The following CNTN4 variants were observed in gnomAD, a reference collection of about 807,000 sequenced individuals.
The protein encoded by CNTN4 is contactin-4.
Under a neutral mutation model 122.5 loss-of-function variants are expected in CNTN4, and 77 were observed. The observed-to-expected ratio is 0.63, with a 90% CI of 0.52 to 0.76. CNTN4 has a LOEUF of 0.76. Among genes scored for constraint, CNTN4 ranks in the 30% least tolerant of loss-of-function variants. CNTN4 has a pLI of 0.00. For missense variants in CNTN4, 1,256 were observed against 1,259.1 expected (o/e 1.00, Z 0.04); for synonymous variants, 512 against 447.0 (o/e 1.15, Z -1.83).
chr3:2,643,320 CCCA>C (rs538236182), intron 4 of CNTN4, among the ~76,000 whole-genome samples: 9 of 152,138 alleles, frequency 5.9e-5, no homozygotes, highest in Admixed American at 5.9e-4. Flanking sequence ...ACTACAGGTC[CCCA>C]CCACCACACC....
At chr3:2,532,100 A>G (rs2077617514) in intron 3 of CNTN4, among the ~76,000 whole-genome samples, 1 of 152,186 alleles carries the variant, frequency 6.6e-6, no homozygotes, top group Non-Finnish European at 1.5e-5. Context: ...CTCAACCTGT[A>G]TTCTTGTGGC....
In CNTN4 at chr3:2,257,839, C is replaced by T. The variant is rs184621504; in HGVS notation, c.-144-81339C>T. Among the ~76,000 whole-genome samples the T allele has an allele frequency of 5.3e-5, 8 of 151,986 alleles. No homozygotes were observed. In the East Asian group the frequency reaches 5.8e-4, roughly 11 times the overall value. On this transcript the variant is annotated intron_variant, in intron 2 of 24. Transcript: ENST00000418658. ...AGCACCTTGGGAGGCCGAGGTGGGC[C>T]GATCACGAGGTCAGGAGTTGGATAT... is the stretch of plus-strand genomic sequence containing the variant.
At chr3:2,539,242 G>C (rs1183085323) in intron 3 of CNTN4, among the ~76,000 whole-genome samples, 1 of 152,000 alleles carries the variant, frequency 6.6e-6, no homozygotes, top group African/African-American at 2.4e-5. Flanking sequence ...CAGTAATGTA[G>C]GGATAAGATT....
chr3:2,287,254 C>A (rs2041934082), intron 2 of CNTN4, among the ~76,000 whole-genome samples: 1 of 152,068 alleles, frequency 6.6e-6, no homozygotes, highest in Non-Finnish European at 1.5e-5. Flanking sequence ...GAAAAATATG[C>A]TAGTTTTTTT....
intron 2 of CNTN4, among the ~76,000 whole-genome samples, chr3:2,275,250 T>C (rs982142045): frequency 2.0e-5 from 3 of 152,242 alleles, no homozygotes; most frequent in Admixed American, 6.5e-5. Context: ...ACTCTTTTCA[T>C]GTGGACTTTT....
chr3:2,139,116 C>T (rs1372406511), intron 2 of CNTN4, among the ~76,000 whole-genome samples: 1 of 152,052 alleles, frequency 6.6e-6, no homozygotes, highest in African/African-American at 2.4e-5. Context: ...TCAGGAGAGC[C>T]AGTGTTTATA....
At chr3:2,909,803 T>C (rs2094279581) in intron 12 of CNTN4, among the ~76,000 whole-genome samples, 1 of 152,188 alleles carries the variant, frequency 6.6e-6, no homozygotes, top group Admixed American at 6.5e-5. Flanking sequence ...GAATTTCTGA[T>C]ATAGTAGCTC....
chr3:2,524,341 A>C (rs1013085728), intron 3 of CNTN4, among the ~76,000 whole-genome samples: 3 of 152,062 alleles, frequency 2.0e-5, no homozygotes, highest in African/African-American at 7.2e-5. Flanking sequence ...GCCAAATAAT[A>C]TTTCATCATT....
At chr3:2,840,965 T>C (rs2093352729) in intron 7 of CNTN4, among the ~76,000 whole-genome samples, 1 of 152,286 alleles carries the variant, frequency 6.6e-6, no homozygotes, top group Admixed American at 6.5e-5. Context: ...GCTTCCTGTT[T>C]CTCTGCTCAT....
Position 2,124,433 on chromosome 3 carries a change from A to AACACACACACACACAC in CNTN4, c.-145+23819_-145+23834dup, listed in dbSNP as rs60760373. On this transcript the variant is annotated intron_variant, in intron 2 of 24. Coordinates refer to ENST00000418658, the MANE Select transcript of CNTN4 (RefSeq NM_175607.3). ...CCTTTGTCTGCATAGATTTATTTAA[A>AACACACACACACACAC]ACACACACACACACACACACACACA... Among the ~76,000 whole-genome samples the AACACACACACACACAC allele has an allele frequency of 3.1e-4, 38 of 123,892 alleles. 1 individual carries two copies. The highest frequency in any genetic ancestry group is 1.5e-3 in the Admixed American group (18 of 12,260). The allele number at this position is 123,892 out of a possible 152,430, so 81.3% of individuals were successfully genotyped here.
intron 4 of CNTN4, among the ~76,000 whole-genome samples, chr3:2,638,055 C>A (rs1430437197): frequency 6.6e-6 from 1 of 152,152 alleles, no homozygotes; most frequent in Non-Finnish European, 1.5e-5. Context: ...TAATGAGTTA[C>A]ATGTATAAAC....
intron 2 of CNTN4, among the ~76,000 whole-genome samples, chr3:2,262,939 T>TA (rs1418833077): frequency 1.3e-5 from 2 of 152,106 alleles, no homozygotes; most frequent in Non-Finnish European, 2.9e-5. Flanking sequence ...GACAATGTGT[T>TA]ATAGTCACAT....
At chr3:2,462,169 C>T (rs924097383) in intron 3 of CNTN4, among the ~76,000 whole-genome samples, 2 of 152,110 alleles carry the variant, frequency 1.3e-5, no homozygotes, top group East Asian at 3.9e-4. Context: ...TATAACACAC[C>T]ATCAGTGGCA....
At chr3:2,183,925 C>G (rs1248036042) in intron 2 of CNTN4, among the ~76,000 whole-genome samples, 1 of 152,150 alleles carries the variant, frequency 6.6e-6, no homozygotes, top group African/African-American at 2.4e-5. Context: ...AGAATATCCT[C>G]TCCAGAGAAC....
At chr3:2,687,962 C>T (rs1044118049) in intron 4 of CNTN4, among the ~76,000 whole-genome samples, 4 of 152,150 alleles carry the variant, frequency 2.6e-5, no homozygotes, top group Non-Finnish European at 5.9e-5. Flanking sequence ...TCACACTGTT[C>T]TTCCTAAGTC....
intron 6 of CNTN4, among the ~76,000 whole-genome samples, chr3:2,805,242 CT>C (rs2092439180): frequency 6.6e-6 from 1 of 151,414 alleles, no homozygotes; most frequent in Non-Finnish European, 1.5e-5. Context: ...CATCTACAAT[CT>C]TTTAAGAAGC....
chr3:2,993,290 G>T (rs3967344), intron 14 of CNTN4, among the ~76,000 whole-genome samples: 1 of 150,930 alleles, frequency 6.6e-6, no homozygotes, highest in Non-Finnish European at 1.5e-5. Context: ...TTATGACAGA[G>T]ACTGTGTAAT....
intron 3 of CNTN4, among the ~76,000 whole-genome samples, chr3:2,372,482 A>C (rs2045668892): frequency 6.6e-6 from 1 of 152,244 alleles, no homozygotes; most frequent in Non-Finnish European, 1.5e-5. Context: ...GGAAGTATAC[A>C]CATTGTTCTA....
chr3:2,442,301 CA>C (rs912812958), intron 3 of CNTN4, among the ~76,000 whole-genome samples: 4 of 151,568 alleles, frequency 2.6e-5, no homozygotes, highest in African/African-American at 9.7e-5. Context: ...CTGGAACTGC[CA>C]AAAAAATACC....
Sources: allele counts gnomAD v4.1 joint callset (sites outside exome capture counted in the v4.1 genomes callset), GRCh38; gene constraint gnomAD v4.1.1; transcripts MANE v1.5; gene names NCBI Gene and HGNC (gene_info 2026-07-23, HGNC 2026-07-21).